The following GLG1 variants were observed in gnomAD, a reference collection of about 807,000 sequenced individuals.
GLG1 encodes the protein Golgi apparatus protein 1.
GLG1 carries 38 observed loss-of-function variants against 160.5 expected under a neutral mutation model. The observed-to-expected ratio is 0.24, with a 90% confidence interval of 0.18 to 0.31. The LOEUF is 0.31. Ranked by LOEUF, GLG1 falls within the 10% of genes least tolerant of loss-of-function variation. GLG1 has a pLI of 1.00. For synonymous variants in GLG1, 644 were observed against 543.4 expected (o/e 1.19, Z -2.57); for missense variants, 1,373 against 1,505.2 (o/e 0.91, Z 1.45).
intron 1 of GLG1, among the ~76,000 whole-genome samples, chr16:74,546,837 CA>C (rs71376218): frequency 1.3e-4 from 8 of 59,704 alleles, no homozygotes; most frequent in South Asian, 8.3e-4. Flanking sequence ...GACTCCATCT[CA>C]AAAAAAAAAA....
intron 2 of GLG1, among the ~76,000 whole-genome samples, chr16:74,523,282 T>C (rs2017229921): frequency 6.6e-6 from 1 of 152,148 alleles, no homozygotes; most frequent in Non-Finnish European, 1.5e-5. Flanking sequence ...TGGCATACAT[T>C]AAGGGTTAAG....
At chr16:74,549,470 T>C (rs1033568586) in intron 1 of GLG1, among the ~76,000 whole-genome samples, 9 of 152,204 alleles carry the variant, frequency 5.9e-5, no homozygotes, top group Non-Finnish European at 7.3e-5. Flanking sequence ...GTATTTTTAG[T>C]AGAGACGGGG....
At chr16:74,599,681 G>T (rs765675783) in intron 1 of GLG1, among the ~76,000 whole-genome samples, 1 of 152,162 alleles carries the variant, frequency 6.6e-6, no homozygotes, top group Non-Finnish European at 1.5e-5. Context: ...TGGCCAACAT[G>T]GTGAAACCCC....
rs182151179 is a variant in GLG1, at chr16:74,480,228, A to G, written c.1827+13T>C. ...GACAAGAAGAAGAAATGAAGTCGATATTCACTGCATACCCTCCTTCCCTGT... is the reference window on the plus strand; with the variant it reads ...GACAAGAAGAAGAAATGAAGTCGATGTTCACTGCATACCCTCCTTCCCTGT... On this transcript the variant is annotated intron_variant, in intron 11 of 25. Transcript: ENST00000422840. 5.4e-5 allele frequency: 85 copies of G among 1,587,516 alleles called. No homozygotes were observed. In the East Asian group the frequency reaches 1.9e-3, roughly 35 times the overall value.
Position 74,453,076 on chromosome 16 carries a change from C to T in GLG1, c.*91G>A. On this transcript the variant is annotated 3_prime_UTR_variant, in exon 26 of 26. Transcript: ENST00000422840. Reference sequence around the variant, plus strand: ...CTCTAACACGGGGTTGGTGTCACTTCTGAGAAGAGCGAGGTGAGTGGGGAT... The same window carrying T: ...CTCTAACACGGGGTTGGTGTCACTTTTGAGAAGAGCGAGGTGAGTGGGGAT... The T allele has an allele frequency of 6.5e-7, 1 of 1,542,306 alleles. No homozygotes were observed. The highest frequency in any genetic ancestry group is 2.2e-4 in the Middle Eastern group (1 of 4,638).
intron 1 of GLG1, among the ~76,000 whole-genome samples, chr16:74,592,615 A>C (rs1315290889): frequency 1.3e-5 from 2 of 152,182 alleles, no homozygotes; most frequent in Non-Finnish European, 2.9e-5. Flanking sequence ...ATTTATAAAT[A>C]AGAAAACTGG....
Position 74,571,116 on chromosome 16 carries a change from G to A in GLG1, c.438+35541C>T, listed in dbSNP as rs1258298324. Reference sequence around the variant, plus strand: ...CTTGTCCTTTCCGTATTGATTTTTGGACCCAGCCATGTGAAGGAGTGAGAC... The same window carrying A: ...CTTGTCCTTTCCGTATTGATTTTTGAACCCAGCCATGTGAAGGAGTGAGAC... On this transcript the variant is annotated intron_variant, in intron 1 of 25. Coordinates refer to ENST00000422840, the MANE Select transcript of GLG1 (RefSeq NM_001145667.2). Among the ~76,000 whole-genome samples, 55 of 151,954 alleles carry A rather than the reference G, an allele frequency of 3.6e-4. 1 individual carries two copies. The highest frequency in any genetic ancestry group is 2.9e-5 in the Non-Finnish European group (2 of 67,992).
intron 3 of GLG1, among the ~76,000 whole-genome samples, chr16:74,505,068 T>C (rs1234447300): frequency 6.6e-6 from 1 of 152,224 alleles, no homozygotes; most frequent in Non-Finnish European, 1.5e-5. Flanking sequence ...AACAGTGCTT[T>C]ATTTGTCCTT....
At chr16:74,591,114 C>CCT (rs1958171946) in intron 1 of GLG1, among the ~76,000 whole-genome samples, 1 of 151,972 alleles carries the variant, frequency 6.6e-6, no homozygotes, top group Non-Finnish European at 1.5e-5. Context: ...GGGCGGATCA[C>CCT]GAGGTCAGGA....
chr16:74,506,328 C>T (rs1415476756), intron 3 of GLG1, among the ~76,000 whole-genome samples: 2 of 151,462 alleles, frequency 1.3e-5, no homozygotes, highest in South Asian at 2.1e-4. Flanking sequence ...CCTGTAATCC[C>T]GGCACTTTGG....
intron 1 of GLG1, among the ~76,000 whole-genome samples, chr16:74,566,954 T>C (rs1252002982): frequency 5.9e-5 from 9 of 152,228 alleles, no homozygotes; most frequent in South Asian, 4.1e-4. Flanking sequence ...AAAGTATATA[T>C]AGTCACGCAA....
At chr16:74,498,471 AT>A (rs1169800533) in intron 4 of GLG1, among the ~76,000 whole-genome samples, 1 of 32,380 alleles carries the variant, frequency 3.1e-5, no homozygotes, top group African/African-American at 8.8e-5. Flanking sequence ...TATATATTAT[AT>A]TTTATATATA....
intron 2 of GLG1, among the ~76,000 whole-genome samples, chr16:74,520,840 C>T (rs114680563): frequency 0.012 from 1,857 of 152,232 alleles, 35 homozygotes; most frequent in African/African-American, 0.043. Context: ...TTTTTCTTCT[C>T]TCTGAAAGCT....
chr16:74,486,725 G>A (rs1277380523), intron 8 of GLG1, among the ~76,000 whole-genome samples: 1 of 152,036 alleles, frequency 6.6e-6, no homozygotes, highest in Non-Finnish European at 1.5e-5. Flanking sequence ...TAATAGTTCT[G>A]GCTCTGACAG....
chr16:74,496,934 T>C (rs1448967769), intron 4 of GLG1, among the ~76,000 whole-genome samples: 1 of 152,114 alleles, frequency 6.6e-6, no homozygotes, highest in Non-Finnish European at 1.5e-5. Flanking sequence ...TAGTTAGCAC[T>C]AGAAATAAGA....
At chr16:74,460,570 T>C (rs558033451) in intron 22 of GLG1, among the ~76,000 whole-genome samples, 2 of 152,222 alleles carry the variant, frequency 1.3e-5, no homozygotes, top group South Asian at 2.1e-4. Flanking sequence ...CCAGGGGCAG[T>C]AGCACTGCTA....
In GLG1 at chr16:74,606,722, C is replaced by G. The variant is rs565382408; in HGVS notation, c.373G>C (p.Val125Leu). 5.0e-6 allele frequency: 8 copies of G among 1,612,524 alleles called. No homozygotes were observed. The highest frequency in any genetic ancestry group is 6.8e-6 in the Non-Finnish European group (8 of 1,179,086). ...TTGCTCCAGGTGTGCTTAGGGCACACGCGGGTCACGTCCTCCCTGCAGGAC... is the reference window on the plus strand; with the variant it reads ...TTGCTCCAGGTGTGCTTAGGGCACAGGCGGGTCACGTCCTCCCTGCAGGAC... ...EESCREDVTR[V>L]CPKHTWSNNL... is the part of the protein sequence containing the mutation. The change falls in exon 1 of 26, where the codon GTG becomes CTG. Residue 125 changes from valine (V) to leucine (L), a missense_variant. This residue lies in a region of GLG1 where 322 missense variants were observed against 254.6 expected (regional missense o/e 1.26). Transcript: ENST00000422840.
intron 21 of GLG1, 105 bp from the exon 22 acceptor site, chr16:74,462,300 GA>G (rs1292005571): frequency 3.7e-6 from 3 of 809,832 alleles, no homozygotes; most frequent in Admixed American, 2.5e-5. Context: ...ACAAGAACAA[GA>G]AAAAAACAAA....
At chr16:74,592,296 C>T (rs776436147) in intron 1 of GLG1, among the ~76,000 whole-genome samples, 1 of 152,180 alleles carries the variant, frequency 6.6e-6, no homozygotes, top group Non-Finnish European at 1.5e-5. Flanking sequence ...GCACATGCCA[C>T]CACACCTTGC....
Sources: gnomAD v4.1 joint callset for allele counts (sites outside exome capture counted in the v4.1 genomes callset) on GRCh38, gnomAD v4.1.1 for gene constraint, gnomAD v4.1.1 regional missense constraint, MANE v1.5 for transcripts, NCBI Gene and HGNC (gene_info 2026-07-23, HGNC 2026-07-21) for gene names.